Variants in APOL5 observed in about 807,000 individuals in gnomAD.
The protein encoded by APOL5 is apolipoprotein L5.
In APOL5, 29 loss-of-function variants were observed where a neutral mutation model predicts 35.5. The observed-to-expected ratio is 0.82, with a 90% confidence interval of 0.61 to 1.11. The LOEUF is 1.11. Ranked by LOEUF, APOL5 falls within the 50% of genes most tolerant of loss-of-function variation. The pLI is 0.00. For synonymous variants in APOL5, 188 were observed against 200.2 expected, an observed-to-expected ratio of 0.94 and a Z score of 0.51; for missense variants, 514 against 530.4, an observed-to-expected ratio of 0.97 and a Z score of 0.30.
At chr22:35,719,953 T>C (rs953087305) in intron 1 of APOL5, among the ~76,000 whole-genome samples, 39 of 152,318 alleles carry the variant, frequency 2.6e-4, no homozygotes, top group African/African-American at 8.7e-4. Context: ...TTCCCCTGGA[T>C]TTGGGCCACT....
upstream of APOL5, among the ~76,000 whole-genome samples, chr22:35,716,316 A>G (rs1274297229): frequency 4.6e-5 from 7 of 152,228 alleles, no homozygotes; most frequent in African/African-American, 1.7e-4. Flanking sequence ...TCTGTCACCC[A>G]GGCTGAAGTG....
At chr22:35,711,635 CT>C in the APOL5 span, among the ~76,000 whole-genome samples, 1 of 146,212 alleles carries the variant, frequency 6.8e-6, no homozygotes, top group Non-Finnish European at 1.5e-5. Flanking sequence ...TCCTTCCTTC[CT>C]TCCTTCCTTC....
chr22:35,716,876 AC>A (rs763648069), upstream of APOL5, among the ~76,000 whole-genome samples: 28 of 147,910 alleles, frequency 1.9e-4, no homozygotes, highest in East Asian at 2.8e-3. Flanking sequence ...ACATCCATAA[AC>A]CTTTATTTTG....
Position 35,726,218 on chromosome 22 carries a change from C to T in APOL5, c.150C>T (p.Leu50=), listed in dbSNP as rs144511562. Residue 50 remains leucine, a synonymous_variant, in exon 3 of 5, where the codon CTC becomes CTT. Transcript: ENST00000249044. ...TTGCCTAGATGTCTTTAGCCTCACT[C>T]GTGAACCTGTGCCAGAGTTGGAAAA... ...GKSPEPEFPS[L]VNLCQSWKIN... 9.9e-5 allele frequency: 160 copies of T among 1,609,600 alleles called. No homozygotes were observed. The African/African-American group carries it at 1.2e-3, about 12-fold the overall frequency.
upstream of APOL5, among the ~76,000 whole-genome samples, chr22:35,714,988 T>C (rs952186823): frequency 1.3e-5 from 2 of 152,356 alleles, no homozygotes; most frequent in East Asian, 1.9e-4. Flanking sequence ...TCATGGAAGA[T>C]GCATTTTTAA....
At chr22:35,717,488 C>A (rs1169572999), upstream of APOL5, among the ~76,000 whole-genome samples, 4 of 150,370 alleles carry the variant, frequency 2.7e-5, no homozygotes, top group Non-Finnish European at 5.9e-5. Flanking sequence ...GCCTGTAATC[C>A]CAGCATTTTG....
At chr22:35,721,811 T>C (rs187684575) in intron 2 of APOL5, among the ~76,000 whole-genome samples, 1 of 152,170 alleles carries the variant, frequency 6.6e-6, no homozygotes, top group Non-Finnish European at 1.5e-5. Flanking sequence ...GCTGCAGCAA[T>C]AGACTCACAA....
the APOL5 span, among the ~76,000 whole-genome samples, chr22:35,710,204 C>A: frequency 1.4e-5 from 2 of 145,738 alleles, no homozygotes; most frequent in African/African-American, 5.2e-5. Flanking sequence ...CTCACTGCAG[C>A]CTCAACATCC....
the APOL5 span, among the ~76,000 whole-genome samples, chr22:35,709,456 T>C: frequency 1.1e-4 from 16 of 152,184 alleles, no homozygotes. Flanking sequence ...CTGTGCTGAA[T>C]GTTCTAGAAA....
At chr22:35,715,452 C>T (rs367632244), upstream of APOL5, among the ~76,000 whole-genome samples, 41 of 152,192 alleles carry the variant, frequency 2.7e-4, 1 homozygote, top group African/African-American at 9.9e-4. Context: ...AGGTTGACAG[C>T]CTGGTCAACA....
chr22:35,708,915 C>A, the APOL5 span, among the ~76,000 whole-genome samples: 1 of 152,194 alleles, frequency 6.6e-6, no homozygotes, highest in South Asian at 2.1e-4. Context: ...CAGACTGTGA[C>A]AACGGAGGGT....
chr22:35,708,900 G>A, the APOL5 span, among the ~76,000 whole-genome samples: 90 of 152,264 alleles, frequency 5.9e-4, no homozygotes, highest in African/African-American at 2.0e-3. Context: ...GCTACCCTGC[G>A]CCCACAGACT....
upstream of APOL5, among the ~76,000 whole-genome samples, chr22:35,717,222 C>CAA (rs71322978): frequency 1.2e-3 from 79 of 66,880 alleles, 2 homozygotes; most frequent in African/African-American, 5.8e-3. Flanking sequence ...TCCATCTCTA[C>CAA]AAAAAAAAAA....
chr22:35,727,284 T>C (rs1927206889), intron 3 of APOL5, 90 bp downstream of exon 3: 1 of 1,512,026 alleles, frequency 6.6e-7, no homozygotes, highest in Admixed American at 2.0e-5. Context: ...AACGGACACA[T>C]CAGTGCATAA....
chr22:35,720,890 C>A (rs147667623), intron 2 of APOL5, among the ~76,000 whole-genome samples: 134 of 152,172 alleles, frequency 8.8e-4, no homozygotes, highest in Non-Finnish European at 1.7e-3. Context: ...GGATTACAGG[C>A]GCCCGCCACC....
intron 2 of APOL5, among the ~76,000 whole-genome samples, chr22:35,722,006 G>A (rs1410284996): frequency 6.6e-6 from 1 of 152,182 alleles, no homozygotes; most frequent in Non-Finnish European, 1.5e-5. Context: ...ACTTCTCTGT[G>A]TCCTTGGCCC....
chr22:35,729,400 G>A lies in APOL5; in HGVS notation c.*53G>A, dbSNP rs533280477. ...AACCTTGATTTAACAGAGGCAAAAT[G>A]CAAGTCTTCCCTGAAGAATACTGGG... On this transcript the variant is annotated 3_prime_UTR_variant, in exon 5 of 5. Coordinates refer to ENST00000249044, the MANE Select transcript of APOL5 (RefSeq NM_030642.1). 1.3e-5 allele frequency: 2 copies of A among 152,322 alleles called. No homozygotes were observed. Among genetic ancestry groups the A allele is most frequent in the African/African-American group, 4.8e-5 (2 of 41,458 alleles). 9.4% of individuals were successfully genotyped at this position (152,322 alleles called of 1,614,324 possible). A position where few individuals can be genotyped will look rare whatever the true frequency, so the allele number is the denominator to read the frequency against.
chr22:35,717,311 G>A (rs557285054), upstream of APOL5, among the ~76,000 whole-genome samples: 145 of 146,628 alleles, frequency 9.9e-4, no homozygotes, highest in Middle Eastern at 3.6e-3. Flanking sequence ...GGCTAAGACA[G>A]GAGGATCACT....
At chr22:35,717,233 A>ATATATATATAT (rs71324555), upstream of APOL5, among the ~76,000 whole-genome samples, 60 of 37,290 alleles carry the variant, frequency 1.6e-3, no homozygotes, top group African/African-American at 8.4e-3. Flanking sequence ...AAAAAAAAAA[A>ATATATATATAT]AAATATATAT....
Sources: gnomAD v4.1 joint callset for allele counts (sites outside exome capture counted in the v4.1 genomes callset) on GRCh38, gnomAD v4.1.1 for gene constraint, MANE v1.5 for transcripts, NCBI Gene and HGNC (gene_info 2026-07-23, HGNC 2026-07-21) for gene names.